Variants in ALPK2 observed in about 807,000 individuals in gnomAD.
The protein encoded by ALPK2 is alpha-protein kinase 2.
Under a neutral mutation model 163.1 loss-of-function variants are expected in ALPK2, and 127 were observed. The ratio of observed to expected loss-of-function variants is 0.78; its 90% CI spans 0.67 to 0.90. The LOEUF (loss-of-function observed/expected upper bound fraction) is 0.90. Among genes scored for constraint, ALPK2 ranks in the 40% least tolerant of loss-of-function variants. The pLI is 0.00. For synonymous variants in ALPK2, 953 were observed against 959.1 expected (o/e 0.99, Z 0.12); for missense variants, 2,360 against 2,589.6 (o/e 0.91, Z 1.92).
intron 4 of ALPK2, among the ~76,000 whole-genome samples, chr18:58,573,410 ATG>A (rs2051900470): frequency 7.5e-6 from 1 of 133,712 alleles, no homozygotes; most frequent in Non-Finnish European, 1.6e-5. Flanking sequence ...GTATATATAT[ATG>A]TTTTTTTTTT....
At chr18:58,617,239 T>C (rs1217032065) in intron 1 of ALPK2, among the ~76,000 whole-genome samples, 1 of 152,152 alleles carries the variant, frequency 6.6e-6, no homozygotes, top group African/African-American at 2.4e-5. Context: ...CAGGCTAGAG[T>C]GCAATGGCAC....
At chr18:58,503,091 TAC>T (rs2051441022) in intron 11 of ALPK2, among the ~76,000 whole-genome samples, 1 of 152,248 alleles carries the variant, frequency 6.6e-6, no homozygotes, top group African/African-American at 2.4e-5. Flanking sequence ...TGTATGTGAG[TAC>T]CTGTCTCAGG....
intron 3 of ALPK2, among the ~76,000 whole-genome samples, chr18:58,586,480 G>C (rs1307451346): frequency 1.2e-4 from 19 of 152,074 alleles, no homozygotes; most frequent in Admixed American, 1.2e-3. Context: ...CAGTTTTCTG[G>C]TGCTTTAACC....
chr18:58,582,565 G>GA (rs35678950), intron 3 of ALPK2, among the ~76,000 whole-genome samples: 15,794 of 134,592 alleles, frequency 0.12, 917 homozygotes, highest in East Asian at 0.21. Context: ...GATTGTTGGC[G>GA]AAAAAAAAAA....
intron 6 of ALPK2, among the ~76,000 whole-genome samples, chr18:58,527,380 T>C (rs2043769188): frequency 6.6e-6 from 1 of 152,216 alleles, no homozygotes; most frequent in Non-Finnish European, 1.5e-5. Context: ...GCAAATGGGT[T>C]CAACTAAGCC....
At chr18:58,603,484 C>A (rs538866144) in intron 3 of ALPK2, among the ~76,000 whole-genome samples, 1 of 152,202 alleles carries the variant, frequency 6.6e-6, no homozygotes, top group Admixed American at 6.5e-5. Flanking sequence ...TGCTTTGTCC[C>A]GCTTTAGCCC....
chr18:58,558,207 A>G (rs914685242), intron 4 of ALPK2, among the ~76,000 whole-genome samples: 1 of 152,248 alleles, frequency 6.6e-6, no homozygotes, highest in Non-Finnish European at 1.5e-5. Context: ...CATGAACTCT[A>G]AATACAGATC....
chr18:58,616,167 CT>C lies in ALPK2; in HGVS notation c.-20-4351del, dbSNP rs1329395181. Among the ~76,000 whole-genome samples, 3 of 152,098 alleles carry C rather than the reference CT, an allele frequency of 2.0e-5. No individual in the cohort carries two copies. The East Asian group carries it at 5.8e-4, about 29-fold the overall frequency. The stretch of plus-strand genomic sequence containing the variant: ...TAATTGGAAAGAATGCTGGATTTGC[CT>C]TTTTTCTTTTCTTTTTTTGCTGTGT... On this transcript the variant is annotated intron_variant, in intron 1 of 12. Coordinates refer to ENST00000361673, the MANE Select transcript of ALPK2 (RefSeq NM_052947.4).
At chr18:58,613,698 CAAA>C (rs1223191157) in intron 1 of ALPK2, among the ~76,000 whole-genome samples, 4,775 of 57,222 alleles carry the variant, frequency 0.083, 117 homozygotes, top group East Asian at 0.13. Context: ...GACTCCATCT[CAAA>C]AAAAAAAAAT....
At chr18:58,500,635 C>T (rs1183485982) in intron 11 of ALPK2, among the ~76,000 whole-genome samples, 1 of 152,156 alleles carries the variant, frequency 6.6e-6, no homozygotes, top group Admixed American at 6.5e-5. Context: ...GAAGTTCATT[C>T]TCCACTTGGC....
rs1251096661 is a variant in ALPK2 at position 58,537,272 on chromosome 18, G to A, written c.2915C>T (p.Thr972Ile). Residue 972 changes from threonine (T) to isoleucine (I), a missense_variant, in exon 5 of 13, where the codon ACA becomes ATA. Transcript: ENST00000361673. ...KSPSPSAADTTATPASYSSIV... is the reference protein window; with the variant it reads ...KSPSPSAADTIATPASYSSIV... ...TGAACTATAACTGGCTGGTGTGGCTGTGGTGTCTGCGGCACTAGGACTGGG... is the reference window on the plus strand; with the variant it reads ...TGAACTATAACTGGCTGGTGTGGCTATGGTGTCTGCGGCACTAGGACTGGG... 6.2e-7 allele frequency: 1 copy of A among 1,614,220 alleles called. No homozygotes were observed. The highest frequency in any genetic ancestry group is 1.7e-5 in the Admixed American group (1 of 60,034).
chr18:58,608,204 A>AAAG, intron 2 of ALPK2, among the ~76,000 whole-genome samples: 1 of 152,384 alleles, frequency 6.6e-6, no homozygotes, highest in East Asian at 1.9e-4. Flanking sequence ...AGAGGAGAAC[A>AAAG]AAGTAGATTT....
intron 4 of ALPK2, among the ~76,000 whole-genome samples, chr18:58,545,588 G>C (rs2051713422): frequency 6.6e-6 from 1 of 152,220 alleles, no homozygotes; most frequent in Non-Finnish European, 1.5e-5. Flanking sequence ...CAGTTCTAAA[G>C]CCAATCAGAA....
chr18:58,561,528 G>A (rs1338474479), intron 4 of ALPK2, among the ~76,000 whole-genome samples: 1 of 152,206 alleles, frequency 6.6e-6, no homozygotes, highest in Non-Finnish European at 1.5e-5. Flanking sequence ...TTATTCAGGA[G>A]ATGATCCCAG....
intron 1 of ALPK2, among the ~76,000 whole-genome samples, chr18:58,624,508 G>A (rs2144245082): frequency 6.6e-6 from 1 of 150,826 alleles, no homozygotes; most frequent in Non-Finnish European, 1.5e-5. Context: ...AGGCTGGAGT[G>A]CAATGGCACG....
chr18:58,582,702 A>G (rs1448215467), intron 3 of ALPK2, among the ~76,000 whole-genome samples: 1 of 152,184 alleles, frequency 6.6e-6, no homozygotes, highest in Non-Finnish European at 1.5e-5. Context: ...GGTTTTATAC[A>G]TTTTAGGGAG....
chr18:58,511,173 T>C (rs2051488278), intron 10 of ALPK2, among the ~76,000 whole-genome samples: 1 of 152,242 alleles, frequency 6.6e-6, no homozygotes. Flanking sequence ...GTTCTGTTTA[T>C]ATGCTGGATT....
chr18:58,627,769 G>A (rs2052239639), intron 1 of ALPK2, among the ~76,000 whole-genome samples: 1 of 152,228 alleles, frequency 6.6e-6, no homozygotes, highest in East Asian at 1.9e-4. Flanking sequence ...TACAGGATTT[G>A]TGAAGTTGTT....
intron 11 of ALPK2, among the ~76,000 whole-genome samples, chr18:58,503,702 C>G (rs1349109775): frequency 1.3e-5 from 2 of 152,082 alleles, no homozygotes; most frequent in African/African-American, 4.8e-5. Context: ...CTGTCCCCCC[C>G]TAGAATTTTT....
Sources: allele counts gnomAD v4.1 joint callset (sites outside exome capture counted in the v4.1 genomes callset), GRCh38; gene constraint gnomAD v4.1.1; transcripts MANE v1.5; gene names NCBI Gene and HGNC (gene_info 2026-07-23, HGNC 2026-07-21).